The following ROBO2 variants were observed in gnomAD, a reference collection of about 807,000 sequenced individuals.
ROBO2 encodes the protein roundabout guidance receptor 2.
A neutral mutation model predicts 160.8 loss-of-function variants in ROBO2; 53 were observed. The observed-to-expected ratio is 0.33, with a 90% CI of 0.26 to 0.41. The LOEUF (loss-of-function observed/expected upper bound fraction) is 0.41, where lower values mean the gene tolerates loss of function less well. ROBO2 is among the 10% of genes least tolerant of loss of function. The pLI is 1.00. For synonymous variants in ROBO2, 664 were observed against 611.7 expected (o/e 1.09, Z -1.26); for missense variants, 1,577 against 1,722.4 (o/e 0.92, Z 1.49).
chr3:77,522,563 A>G (rs1204661821), intron 5 of ROBO2, among the ~76,000 whole-genome samples: 1 of 151,292 alleles, frequency 6.6e-6, no homozygotes, highest in Non-Finnish European at 1.5e-5. Flanking sequence ...TGTGAAGTAT[A>G]GGTAACTGAC....
intron 2 of ROBO2, among the ~76,000 whole-genome samples, chr3:76,810,833 G>A (rs1313435700): frequency 6.6e-6 from 1 of 152,036 alleles, no homozygotes; most frequent in Admixed American, 6.6e-5. Flanking sequence ...AATTAAGAAA[G>A]GTATTAAGAA....
chr3:76,274,518 G>T (rs1382717796), intron 2 of ROBO2, among the ~76,000 whole-genome samples: 1 of 152,052 alleles, frequency 6.6e-6, no homozygotes, highest in Non-Finnish European at 1.5e-5. Flanking sequence ...TATTCAATCT[G>T]TTCTAGAACA....
chr3:75,947,967 G>A (rs1424851147), intron 2 of ROBO2, among the ~76,000 whole-genome samples: 1 of 152,000 alleles, frequency 6.6e-6, no homozygotes, highest in African/African-American at 2.4e-5. Flanking sequence ...TCTGAAGTTG[G>A]AAGATCAAAT....
intron 2 of ROBO2, among the ~76,000 whole-genome samples, chr3:77,164,582 G>A (rs1374094722): frequency 2.1e-5 from 3 of 139,638 alleles, no homozygotes; most frequent in Non-Finnish European, 4.7e-5. Context: ...CGGGAGGTGA[G>A]GGGCGCCTCT....
At chr3:76,881,446 CTT>C (rs2073329431) in intron 2 of ROBO2, among the ~76,000 whole-genome samples, 1 of 152,136 alleles carries the variant, frequency 6.6e-6, no homozygotes, top group South Asian at 2.1e-4. Context: ...CTGCAATAGA[CTT>C]AACCTAAATG....
At chr3:77,545,359 T>C (rs557844141) in intron 6 of ROBO2, among the ~76,000 whole-genome samples, 2 of 152,262 alleles carry the variant, frequency 1.3e-5, no homozygotes, top group East Asian at 3.9e-4. Flanking sequence ...TGGAATGTGT[T>C]CATTTTTCCA....
At chr3:76,966,602 G>T (rs2059307144) in intron 2 of ROBO2, among the ~76,000 whole-genome samples, 1 of 152,186 alleles carries the variant, frequency 6.6e-6, no homozygotes, top group Admixed American at 6.5e-5. Context: ...GGAGGAGATT[G>T]TGCTTTCATA....
intron 2 of ROBO2, among the ~76,000 whole-genome samples, chr3:77,192,650 C>CTTTTTTTT (rs71629633): frequency 1.4e-4 from 15 of 110,008 alleles, no homozygotes; most frequent in Non-Finnish European, 1.7e-4. Flanking sequence ...AACACAATTC[C>CTTTTTTTT]TTTTTTTTTT....
chr3:77,617,905 A>G lies in ROBO2; in HGVS notation c.3554+132A>G, dbSNP rs2094816622. 13 of 931,040 alleles carry G rather than the reference A, an allele frequency of 1.4e-5. No homozygotes were observed. In the South Asian group the frequency reaches 1.7e-4, roughly 12 times the overall value. The allele number at this position is 931,040 out of a possible 1,614,324, so 57.7% of individuals were successfully genotyped here. On this transcript the variant is annotated intron_variant, in intron 22 of 25. Transcript: ENST00000461745. ...AGTGATTTTGTATGACTCCTTAATC[A>G]TTTAGATAAATGTATCCACTGAGAA...
At chr3:77,435,880 C>CA (rs1043164200) in intron 2 of ROBO2, among the ~76,000 whole-genome samples, 17 of 151,112 alleles carry the variant, frequency 1.1e-4, no homozygotes, top group African/African-American at 3.4e-4. Flanking sequence ...GTTTACTGTG[C>CA]AAAAAAATCA....
At chr3:76,336,289 G>A (rs928435686) in intron 2 of ROBO2, among the ~76,000 whole-genome samples, 5 of 152,104 alleles carry the variant, frequency 3.3e-5, no homozygotes, top group Admixed American at 1.3e-4. Context: ...TATGCATAAC[G>A]GTTTCATTCA....
At chr3:76,673,120 A>G (rs1198805982) in intron 2 of ROBO2, among the ~76,000 whole-genome samples, 1 of 149,646 alleles carries the variant, frequency 6.7e-6, no homozygotes, top group Non-Finnish European at 1.5e-5. Flanking sequence ...TGTCTTTCTC[A>G]AGGCCATTTA....
At chr3:76,989,617 C>CA (rs1380947785) in intron 2 of ROBO2, among the ~76,000 whole-genome samples, 2 of 151,876 alleles carry the variant, frequency 1.3e-5, no homozygotes. Context: ...GCTAGAGCAA[C>CA]AAAATTTAAT....
intron 2 of ROBO2, among the ~76,000 whole-genome samples, chr3:77,359,004 G>T (rs1581320039): frequency 6.6e-6 from 1 of 152,148 alleles, no homozygotes; most frequent in East Asian, 1.9e-4. Context: ...TTTCTTCTCT[G>T]ACTGAAAGCC....
At chr3:76,097,717 G>A (rs879012806) in intron 2 of ROBO2, among the ~76,000 whole-genome samples, 18 of 152,110 alleles carry the variant, frequency 1.2e-4, no homozygotes, top group Admixed American at 5.2e-4. Context: ...AGGAAGCAGC[G>A]AATACACATA....
intron 2 of ROBO2, among the ~76,000 whole-genome samples, chr3:77,190,368 T>C (rs2081718959): frequency 6.6e-6 from 1 of 152,002 alleles, no homozygotes; most frequent in Non-Finnish European, 1.5e-5. Flanking sequence ...ACAAGAATTC[T>C]GACCTCTATT....
At chr3:77,634,631 C>A in intron 23 of ROBO2, 1 of 508,868 alleles carries the variant, frequency 2.0e-6, no homozygotes, top group Non-Finnish European at 3.6e-6. Flanking sequence ...GTTTTATGTT[C>A]ATTTGTTTGA....
intron 2 of ROBO2, among the ~76,000 whole-genome samples, chr3:76,188,311 G>T (rs911289183): frequency 1.3e-5 from 2 of 151,976 alleles, no homozygotes; most frequent in African/African-American, 4.8e-5. Flanking sequence ...TTTTAAGAAG[G>T]AGAAATTTGA....
At chr3:76,338,297 C>G (rs1037481900) in intron 2 of ROBO2, among the ~76,000 whole-genome samples, 1 of 152,076 alleles carries the variant, frequency 6.6e-6, no homozygotes, top group African/African-American at 2.4e-5. Flanking sequence ...CAATAAGGTA[C>G]GTTGAAGTTT....
Sources: allele counts gnomAD v4.1 joint callset (sites outside exome capture counted in the v4.1 genomes callset), GRCh38; gene constraint gnomAD v4.1.1; transcripts MANE v1.5; gene names NCBI Gene and HGNC (gene_info 2026-07-23, HGNC 2026-07-21).